The following ADGRD1 variants were observed in gnomAD, a reference collection of about 807,000 sequenced individuals.
The protein encoded by ADGRD1 is adhesion G protein-coupled receptor D1, also known as G-protein coupled receptor 133.
Under a neutral mutation model 113.4 loss-of-function variants are expected in ADGRD1, and 77 were observed. That is an observed-to-expected ratio of 0.68 (90% CI 0.57 to 0.82). The LOEUF (loss-of-function observed/expected upper bound fraction) is 0.82. Among genes scored for constraint, ADGRD1 ranks in the 40% least tolerant of loss-of-function variants. The pLI, the probability that ADGRD1 is intolerant of heterozygous loss-of-function variation, is 0.00. For missense variants in ADGRD1, 1,036 were observed against 1,139.1 expected, an observed-to-expected ratio of 0.91 and a Z score of 1.30; for synonymous variants, 474 against 475.0, an observed-to-expected ratio of 1.00 and a Z score of 0.03.
Position 130,971,278 on chromosome 12 carries a change from C to T in ADGRD1, c.188-180C>T. ...ACATTAATAATTTACAATTTAATTACTAATAATATTACTGATGCTATGAAT... is the reference window on the plus strand; with the variant it reads ...ACATTAATAATTTACAATTTAATTATTAATAATATTACTGATGCTATGAAT... On this transcript the variant is annotated intron_variant, in intron 3 of 24. Coordinates refer to ENST00000261654, the MANE Select transcript of ADGRD1 (RefSeq NM_198827.5). This position sits in a 1 kb window ranked among gnomAD's most constrained non-coding sequence, Gnocchi z 4.2. 3.5e-6 allele frequency: 1 copy of T among 286,276 alleles called. No homozygotes were observed. Among genetic ancestry groups the T allele is most frequent in the South Asian group, 7.8e-5 (1 of 12,892 alleles). The allele number at this position is 286,276 out of a possible 1,614,324, so 17.7% of individuals were successfully genotyped here. A position where few individuals can be genotyped will look rare whatever the true frequency, so the allele number is the denominator to read the frequency against.
intron 13 of ADGRD1, among the ~76,000 whole-genome samples, chr12:131,037,162 A>G (rs1359671356): frequency 7.6e-6 from 1 of 131,778 alleles, no homozygotes; most frequent in Admixed American, 7.8e-5. Flanking sequence ...ACCGGGCCTC[A>G]CTCACTGTCC....
At chr12:131,033,859 C>T (rs139699945) in intron 13 of ADGRD1, among the ~76,000 whole-genome samples, 2 of 152,292 alleles carry the variant, frequency 1.3e-5, no homozygotes, top group Non-Finnish European at 2.9e-5. Context: ...CACGTGGTAT[C>T]TGCAGGATCT....
Position 131,008,689 on chromosome 12 carries a change from A to G in ADGRD1, c.1331+2642A>G, listed in dbSNP as rs185434389. 8.5e-5 allele frequency among the ~76,000 whole-genome samples: 13 copies of G among 152,310 alleles called. No homozygotes were observed. The East Asian group carries it at 1.4e-3, about 16-fold the overall frequency. On this transcript the variant is annotated intron_variant, in intron 12 of 24. Transcript: ENST00000261654. ...GTCTCACTCGCTGCCTGGCCCCGCA[A>G]TGATGGAGACTGTTCAGCTTTTACG...
Position 131,027,345 on chromosome 12 carries a change from C to T in ADGRD1, c.1473+13005C>T, listed in dbSNP as rs2136905977. On this transcript the variant is annotated intron_variant, in intron 13 of 24. Coordinates refer to ENST00000261654, the MANE Select transcript of ADGRD1 (RefSeq NM_198827.5). The surrounding 1 kb of genome is among the most constrained non-coding windows in gnomAD (Gnocchi z 5.1). ...ACAATTTTATATAAATGGGGTTCTG[C>T]TATCCGTGCCGTTTCGCAGCTTCAG... The T allele has an allele frequency of 6.6e-6, 1 of 152,280 alleles. No individual in the cohort carries two copies. Among genetic ancestry groups the T allele is most frequent in the African/African-American group, 2.4e-5 (1 of 41,552 alleles). The allele number at this position is 152,280 out of a possible 1,614,324, so 9.4% of individuals were successfully genotyped here. A position where few individuals can be genotyped will look rare whatever the true frequency, so the allele number is the denominator to read the frequency against.
chr12:131,137,137 C>A (rs1034932917), intron 23 of ADGRD1, 123 bp downstream of exon 23: 1 of 810,300 alleles, frequency 1.2e-6, no homozygotes, highest in Non-Finnish European at 2.1e-6. Flanking sequence ...CCTGAGCCAG[C>A]CACGTTCCTG....
intron 3 of ADGRD1, chr12:130,970,263 A>G (rs995842225): frequency 6.6e-6 from 1 of 152,192 alleles, no homozygotes. Context: ...CAACACAAAA[A>G]CTGACTGCTC....
intron 17 of ADGRD1, among the ~76,000 whole-genome samples, 200 bp from the exon 18 acceptor site, chr12:131,108,524 T>G (rs1950282525): frequency 6.6e-6 from 1 of 152,112 alleles, no homozygotes. Flanking sequence ...GGGGGCAACA[T>G]GGTGCTGTAA....
At chr12:131,036,470 A>C (rs1164491638) in intron 13 of ADGRD1, among the ~76,000 whole-genome samples, 1 of 148,146 alleles carries the variant, frequency 6.8e-6, no homozygotes, top group Non-Finnish European at 1.5e-5. Context: ...TACTCACTGC[A>C]TGGGGCCTCA....
chr12:131,120,954 A>T, intron 20 of ADGRD1, 41 bp downstream of exon 20: 1 of 1,570,870 alleles, frequency 6.4e-7, no homozygotes, highest in Non-Finnish European at 8.7e-7. Context: ...GGGGCTGGGG[A>T]GGGGCAGGAG....
chr12:131,023,241 C>T (rs1879535028), intron 13 of ADGRD1: 1 of 152,374 alleles, frequency 6.6e-6, no homozygotes, highest in African/African-American at 2.4e-5. Flanking sequence ...GCCTCCCTTC[C>T]TGTAGTGTCA....
At chr12:131,036,149 T>TTACTCACTGGAGGGGGTTG (rs368213916) in intron 13 of ADGRD1, among the ~76,000 whole-genome samples, 1 of 152,042 alleles carries the variant, frequency 6.6e-6, no homozygotes, top group African/African-American at 2.4e-5. Flanking sequence ...GCAGCGAGTC[T>TTACTCACTGGAGGGGGTTG]TACTCACTGG....
chr12:130,996,648 G>T (rs1279789523), intron 8 of ADGRD1, among the ~76,000 whole-genome samples: 2 of 102,456 alleles, frequency 2.0e-5, no homozygotes, highest in African/African-American at 3.9e-5. Context: ...GCGGCTGGCC[G>T]GGCGGGGGGC....
chr12:131,043,107 G>A (rs1405228934), intron 13 of ADGRD1, among the ~76,000 whole-genome samples: 1 of 152,210 alleles, frequency 6.6e-6, no homozygotes, highest in Non-Finnish European at 1.5e-5. Context: ...CCAAAGCTGA[G>A]CAAAGAGCAA....
At chr12:131,108,357 T>G (rs952247745) in intron 17 of ADGRD1, among the ~76,000 whole-genome samples, 2 of 152,110 alleles carry the variant, frequency 1.3e-5, no homozygotes, top group Non-Finnish European at 2.9e-5. Context: ...GGAGGGAAAC[T>G]CTTCCATAGT....
chr12:130,987,002 A>C, intron 5 of ADGRD1, 93 bp from the exon 6 acceptor site: 1 of 1,090,586 alleles, frequency 9.2e-7, no homozygotes, highest in South Asian at 1.4e-5. Context: ...TGATCACCTT[A>C]AGAAAGAAGG....
At chr12:131,083,950 G>T (rs907697072) in intron 14 of ADGRD1, among the ~76,000 whole-genome samples, 1 of 152,162 alleles carries the variant, frequency 6.6e-6, no homozygotes, top group African/African-American at 2.4e-5. Context: ...GAAGTGTGTG[G>T]TGCTGTTGGC....
intron 9 of ADGRD1, among the ~76,000 whole-genome samples, chr12:131,002,242 G>A (rs1317463475): frequency 1.3e-5 from 2 of 152,196 alleles, no homozygotes; most frequent in African/African-American, 4.8e-5. Context: ...TGAATAACCA[G>A]GAAACTGTCC....
intron 15 of ADGRD1, among the ~76,000 whole-genome samples, chr12:131,089,179 C>T (rs553538479): frequency 6.6e-6 from 1 of 152,326 alleles, no homozygotes; most frequent in South Asian, 2.1e-4. Context: ...CTTCCCTTGT[C>T]GCAGGAGCTG....
At chr12:131,032,549 A>G (rs983996561) in intron 13 of ADGRD1, among the ~76,000 whole-genome samples, 21 of 152,206 alleles carry the variant, frequency 1.4e-4, no homozygotes, top group Non-Finnish European at 4.4e-5. Context: ...TTAGGACAGC[A>G]GTGAGCGGAG....
Sources: gnomAD v4.1 joint callset for allele counts (sites outside exome capture counted in the v4.1 genomes callset) on GRCh38, gnomAD v4.1.1 for gene constraint, Gnocchi (gnomAD v3.1) non-coding constraint, MANE v1.5 for transcripts, NCBI Gene and HGNC (gene_info 2026-07-23, HGNC 2026-07-21) for gene names.